DYNC1I1: variants seen among roughly 807,000 people sequenced by gnomAD.
The protein encoded by DYNC1I1 is cytoplasmic dynein 1 intermediate chain 1.
A neutral mutation model predicts 86.6 loss-of-function variants in DYNC1I1; 43 were observed. That is an observed-to-expected ratio of 0.50 (90% confidence interval 0.39 to 0.64). The LOEUF is 0.64. Ranked by LOEUF, DYNC1I1 falls within the 30% of genes least tolerant of loss-of-function variation. The pLI, the probability that DYNC1I1 is intolerant of heterozygous loss-of-function variation, is 0.00. For missense variants in DYNC1I1, 604 were observed against 788.8 expected (o/e 0.77, Z 2.81); for synonymous variants, 262 against 283.7 (o/e 0.92, Z 0.77).
intron 10 of DYNC1I1, among the ~76,000 whole-genome samples, chr7:96,012,861 T>C (rs549167595): frequency 2.6e-5 from 4 of 152,284 alleles, no homozygotes; most frequent in African/African-American, 9.6e-5. Context: ...ACTTTGCAAA[T>C]AGGATTAAAT....
chr7:95,802,004 A>T (rs908356427), intron 1 of DYNC1I1, among the ~76,000 whole-genome samples: 2 of 150,784 alleles, frequency 1.3e-5, no homozygotes, highest in African/African-American at 4.9e-5. Context: ...TTGCTCAATT[A>T]CTCCCTTGGC....
intron 6 of DYNC1I1, among the ~76,000 whole-genome samples, chr7:95,884,890 A>G (rs1002084119): frequency 3.3e-5 from 5 of 152,276 alleles, no homozygotes; most frequent in Non-Finnish European, 5.9e-5. Flanking sequence ...AAGCTAATCT[A>G]CCTCATAGGG....
At chr7:95,773,659 G>A (rs1041768887) in intron 1 of DYNC1I1, among the ~76,000 whole-genome samples, 2 of 152,266 alleles carry the variant, frequency 1.3e-5, no homozygotes, top group African/African-American at 2.4e-5. Flanking sequence ...GGAACAAGTA[G>A]CCAGCCATTT....
At chr7:95,904,913 T>C (rs1382131328) in intron 6 of DYNC1I1, among the ~76,000 whole-genome samples, 1 of 152,214 alleles carries the variant, frequency 6.6e-6, no homozygotes, top group Admixed American at 6.5e-5. Flanking sequence ...ATTCCTTTTG[T>C]CACATCTCTG....
intron 4 of DYNC1I1, among the ~76,000 whole-genome samples, chr7:95,822,618 C>T (rs1795101529): frequency 6.6e-6 from 1 of 152,090 alleles, no homozygotes; most frequent in Non-Finnish European, 1.5e-5. Context: ...AGAGTAGGTA[C>T]AGAATTATTG....
At position 96,087,936 on chromosome 7, in the gene DYNC1I1, T is replaced by C. The variant is rs538787478; in HGVS notation, c.1776+7448T>C. 5.9e-5 allele frequency among the ~76,000 whole-genome samples: 9 copies of C among 152,336 alleles called. No individual in the cohort carries two copies. In the South Asian group the frequency reaches 1.9e-3, roughly 32 times the overall value. On this transcript the variant is annotated intron_variant, in intron 16 of 16. Coordinates refer to ENST00000447467, the MANE Select transcript of DYNC1I1 (RefSeq NM_001135556.2). ...TTATATGTATTTGAAATTAAATATT[T>C]TGGGTAAAATCTATGATTGTAATTT... is the stretch of plus-strand genomic sequence containing the variant.
chr7:96,074,338 A>C (rs1247006897), intron 14 of DYNC1I1, among the ~76,000 whole-genome samples: 1 of 152,136 alleles, frequency 6.6e-6, no homozygotes, highest in African/African-American at 2.4e-5. Flanking sequence ...TCACGAGGTC[A>C]GGAGATCGAG....
intron 5 of DYNC1I1, among the ~76,000 whole-genome samples, 189 bp from the exon 6 acceptor site, chr7:95,869,694 A>T (rs1790110999): frequency 6.6e-6 from 1 of 152,228 alleles, no homozygotes; most frequent in Admixed American, 6.5e-5. Context: ...TATTAGGGCC[A>T]ACGTGGGCCA....
At chr7:96,015,333 TG>T (rs1039385202) in intron 10 of DYNC1I1, among the ~76,000 whole-genome samples, 7 of 152,130 alleles carry the variant, frequency 4.6e-5, no homozygotes, top group Non-Finnish European at 1.0e-4. Flanking sequence ...ATGAAGAACA[TG>T]GTTCAGAATA....
At chr7:95,903,655 GA>G (rs1220565269) in intron 6 of DYNC1I1, among the ~76,000 whole-genome samples, 1 of 152,194 alleles carries the variant, frequency 6.6e-6, no homozygotes, top group African/African-American at 2.4e-5. Flanking sequence ...ATAGTTTATT[GA>G]ATGCTTCCAT....
chr7:96,002,305 T>C (rs1362983795), intron 10 of DYNC1I1, among the ~76,000 whole-genome samples: 1 of 152,210 alleles, frequency 6.6e-6, no homozygotes, highest in Non-Finnish European at 1.5e-5. Context: ...AGAGGGAAAC[T>C]GAGACAATTC....
chr7:95,876,301 A>G lies in DYNC1I1; in HGVS notation c.490+6303A>G, dbSNP rs573259718. On this transcript the variant is annotated intron_variant, in intron 6 of 16. Transcript: ENST00000447467. Reference sequence around the variant, plus strand: ...CCCTGTTTAACTTCCTTCAATTTATATCTTCATTCTACCATGGAGTCTCAA... The same window carrying G: ...CCCTGTTTAACTTCCTTCAATTTATGTCTTCATTCTACCATGGAGTCTCAA... 9.2e-5 allele frequency among the ~76,000 whole-genome samples: 14 copies of G among 152,296 alleles called. No homozygotes were observed. In the South Asian group the frequency reaches 1.7e-3, roughly 18 times the overall value.
intron 10 of DYNC1I1, among the ~76,000 whole-genome samples, chr7:96,009,985 G>T (rs1794235140): frequency 6.6e-6 from 1 of 151,962 alleles, no homozygotes; most frequent in Non-Finnish European, 1.5e-5. Flanking sequence ...CTCCATGTTG[G>T]TCAGGCTGAT....
At chr7:95,962,420 C>G (rs1316175388) in intron 6 of DYNC1I1, among the ~76,000 whole-genome samples, 8 of 152,216 alleles carry the variant, frequency 5.3e-5, no homozygotes, top group Admixed American at 5.2e-4. Context: ...GTGGGTCTTT[C>G]TAGCCCTTTG....
chr7:95,854,028 A>C (rs1789651804), intron 5 of DYNC1I1, among the ~76,000 whole-genome samples: 2 of 151,950 alleles, frequency 1.3e-5, no homozygotes, highest in Non-Finnish European at 2.9e-5. Context: ...CTTCACTTTC[A>C]GTCTGTGTGT....
chr7:95,827,450 T>C (rs2115921664), intron 4 of DYNC1I1, among the ~76,000 whole-genome samples: 1 of 152,344 alleles, frequency 6.6e-6, no homozygotes, highest in South Asian at 2.1e-4. Context: ...GTTTAAAAAA[T>C]ATAAGATATA....
intron 5 of DYNC1I1, among the ~76,000 whole-genome samples, chr7:95,865,628 G>A (rs1227303675): frequency 6.6e-6 from 1 of 152,144 alleles, no homozygotes; most frequent in African/African-American, 2.4e-5. Context: ...TGTGTATTAT[G>A]GTGGTCCTGT....
intron 5 of DYNC1I1, among the ~76,000 whole-genome samples, chr7:95,853,458 C>A (rs1789634315): frequency 6.6e-6 from 1 of 152,158 alleles, no homozygotes; most frequent in African/African-American, 2.4e-5. Flanking sequence ...ATCCCAGCCT[C>A]CAGAACTGTG....
At chr7:96,068,425 T>C (rs1469217551) in intron 14 of DYNC1I1, among the ~76,000 whole-genome samples, 1 of 152,180 alleles carries the variant, frequency 6.6e-6, no homozygotes, top group Non-Finnish European at 1.5e-5. Flanking sequence ...CAATGGGAGA[T>C]GTGGGAGTGC....
Sources: allele counts gnomAD v4.1 joint callset (sites outside exome capture counted in the v4.1 genomes callset), GRCh38; gene constraint gnomAD v4.1.1; transcripts MANE v1.5; gene names NCBI Gene and HGNC (gene_info 2026-07-23, HGNC 2026-07-21).